The following DESI2 variants were observed in gnomAD, a reference collection of about 807,000 sequenced individuals.
DESI2 encodes the protein deubiquitinase DESI2.
In DESI2, 10 loss-of-function variants were observed where a neutral mutation model predicts 24.1. The ratio of observed to expected loss-of-function variants is 0.41; its 90% CI spans 0.26 to 0.70. DESI2 has a LOEUF of 0.70. DESI2 is among the 30% of genes least tolerant of loss of function. The pLI, the probability that DESI2 is intolerant of heterozygous loss-of-function variation, is 0.29. For missense variants in DESI2, 122 were observed against 234.9 expected (o/e 0.52, Z 3.14); for synonymous variants, 71 against 87.7 (o/e 0.81, Z 1.06).
intron 1 of DESI2, chr1:244,654,044 T>C (rs899694794): frequency 2.1e-6 from 1 of 470,624 alleles, no homozygotes; most frequent in East Asian, 7.0e-5. Flanking sequence ...ACAGGTGACG[T>C]GACCACGGGA....
intron 1 of DESI2, among the ~76,000 whole-genome samples, chr1:244,680,960 T>C (rs1303850521): frequency 6.6e-6 from 1 of 151,948 alleles, no homozygotes; most frequent in Non-Finnish European, 1.5e-5. Flanking sequence ...TTTTTTTTTT[T>C]TTTTTAAGTA....
intron 4 of DESI2, among the ~76,000 whole-genome samples, chr1:244,698,528 A>G (rs1677307106): frequency 6.6e-6 from 1 of 152,246 alleles, no homozygotes. Flanking sequence ...GCCCTTCAGC[A>G]TCTCAGCTTT....
chr1:244,680,036 T>TTTAA lies in DESI2; in HGVS notation c.43-6561_43-6560insTTAA, dbSNP rs1553403558. On this transcript the variant is annotated intron_variant, in intron 1 of 4. Transcript: ENST00000302550. ...CTTTTTAGCCTTTTTTTTTTTTTTTTAAACAAAAAATCTAGGATCCAGTCG... is the reference window on the plus strand; with the variant it reads ...CTTTTTAGCCTTTTTTTTTTTTTTTTTTAAAAACAAAAAATCTAGGATCCAGTCG... Among the ~76,000 whole-genome samples the TTTAA allele has an allele frequency of 1.4e-4, 20 of 142,460 alleles. No individual in the cohort carries two copies. The East Asian group carries it at 3.2e-3, about 23-fold the overall frequency. The allele number at this position is 142,460 out of a possible 152,430, so 93.5% of individuals were successfully genotyped here.
chr1:244,701,792 A>T (rs560672114), intron 4 of DESI2, among the ~76,000 whole-genome samples: 73 of 152,342 alleles, frequency 4.8e-4, no homozygotes, highest in African/African-American at 1.7e-3. Context: ...GTAACAGTAT[A>T]TAGAAATATT....
intron 4 of DESI2, among the ~76,000 whole-genome samples, chr1:244,702,725 A>G (rs1016820250): frequency 6.6e-6 from 1 of 152,178 alleles, no homozygotes; most frequent in African/African-American, 2.4e-5. Flanking sequence ...GTGGCTATAG[A>G]TAGGACTCTG....
intron 1 of DESI2, among the ~76,000 whole-genome samples, chr1:244,684,265 AG>A (rs1227174234): frequency 6.6e-6 from 1 of 152,194 alleles, no homozygotes; most frequent in East Asian, 1.9e-4. Flanking sequence ...TAACTATAAA[AG>A]TAATACTCTT....
chr1:244,699,075 A>G (rs550621015), intron 4 of DESI2, among the ~76,000 whole-genome samples: 140 of 152,270 alleles, frequency 9.2e-4, no homozygotes, highest in African/African-American at 3.3e-3. Flanking sequence ...CTACTCTGCT[A>G]CCTTTCTACT....
chr1:244,690,317 G>GT (rs1458237867), intron 3 of DESI2, among the ~76,000 whole-genome samples: 2 of 152,310 alleles, frequency 1.3e-5, no homozygotes, highest in South Asian at 4.2e-4. Context: ...AGAACATACG[G>GT]TGTTTGGTTT....
At chr1:244,693,956 A>G (rs1393674311) in intron 4 of DESI2, among the ~76,000 whole-genome samples, 1 of 152,270 alleles carries the variant, frequency 6.6e-6, no homozygotes, top group Non-Finnish European at 1.5e-5. Flanking sequence ...CAACTCCCAT[A>G]TAACGAAGAC....
At chr1:244,701,457 A>G (rs1355208299) in intron 4 of DESI2, among the ~76,000 whole-genome samples, 1 of 152,176 alleles carries the variant, frequency 6.6e-6, no homozygotes, top group African/African-American at 2.4e-5. Flanking sequence ...CAGAGAGGGG[A>G]CAAAATTAAA....
At chr1:244,698,295 T>A (rs535615224) in intron 4 of DESI2, among the ~76,000 whole-genome samples, 1 of 152,210 alleles carries the variant, frequency 6.6e-6, no homozygotes, top group Non-Finnish European at 1.5e-5. Context: ...TCACAGCCGA[T>A]GATATTTACT....
chr1:244,655,235 G>A (rs1258890152), intron 1 of DESI2, among the ~76,000 whole-genome samples: 1 of 151,654 alleles, frequency 6.6e-6, no homozygotes, highest in Admixed American at 6.6e-5. Context: ...CAGCAGACAG[G>A]GGAGAGAGTA....
At chr1:244,702,979 T>G (rs1023745248) in intron 4 of DESI2, among the ~76,000 whole-genome samples, 1 of 150,596 alleles carries the variant, frequency 6.6e-6, no homozygotes, top group African/African-American at 2.4e-5. Context: ...TAAAGTACAA[T>G]GTAATATTTG....
rs944535728 is a variant in DESI2, at chr1:244,689,670, C to A, written c.209+328C>A. 3.9e-5 allele frequency among the ~76,000 whole-genome samples: 6 copies of A among 152,078 alleles called. No individual in the cohort carries two copies. The highest frequency in any genetic ancestry group is 7.4e-5 in the Non-Finnish European group (5 of 68,010). On this transcript the variant is annotated intron_variant, in intron 3 of 4. Coordinates refer to ENST00000302550, the MANE Select transcript of DESI2 (RefSeq NM_016076.5). This position sits in a 1 kb window ranked among gnomAD's most constrained non-coding sequence, Gnocchi z 4.0. ...GATTACAGGCGTGCACCACGACGTC[C>A]GGCTAATTTTTGTATTTTTAGTAGA... is the stretch of plus-strand genomic sequence containing the variant.
At chr1:244,659,160 A>G (rs10927290) in intron 1 of DESI2, among the ~76,000 whole-genome samples, 110,200 of 146,686 alleles carry the variant, frequency 0.75, 42,002 homozygotes, top group South Asian at 0.86. Context: ...CTCCTACATT[A>G]TTTATGGCAT....
At chr1:244,675,193 A>G (rs1422086743) in intron 1 of DESI2, among the ~76,000 whole-genome samples, 1 of 152,148 alleles carries the variant, frequency 6.6e-6, no homozygotes, top group East Asian at 1.9e-4. Context: ...TATTCTACAT[A>G]TAAGTCCCTT....
At chr1:244,700,157 G>GT (rs1454306911) in intron 4 of DESI2, among the ~76,000 whole-genome samples, 1 of 152,152 alleles carries the variant, frequency 6.6e-6, no homozygotes, top group Non-Finnish European at 1.5e-5. Flanking sequence ...TTTCGCTGTG[G>GT]TAAGTCCTAC....
chr1:244,691,920 A>G lies in DESI2; in HGVS notation c.251A>G (p.Asp84Gly). The change falls in exon 4 of 5, where the codon GAT becomes GGT. Residue 84 changes from aspartate (D) to glycine (G), a missense_variant. Coordinates refer to ENST00000302550, the MANE Select transcript of DESI2 (RefSeq NM_016076.5). ...GGGAGCACGGACTTCCTAGAAGATG[A>G]TATAGAAAAAATTGTAGAAGAACTG... ...VLGSTDFLED[D>G]IEKIVEELGK... 3.1e-6 allele frequency: 5 copies of G among 1,600,694 alleles called. No individual in the cohort carries two copies. Among genetic ancestry groups the G allele is most frequent in the Non-Finnish European group, 4.2e-6 (5 of 1,177,138 alleles).
In DESI2 at chr1:244,671,315, T is replaced by C. The variant is rs893971493; in HGVS notation, c.43-15282T>C. On this transcript the variant is annotated intron_variant, in intron 1 of 4. Transcript: ENST00000302550. ...TGAATATATAGCCACCTTAAGTAGA[T>C]GTGGTTCGAATGTTCTGTGCCATAT... is the stretch of plus-strand genomic sequence containing the variant. 2.6e-5 allele frequency among the ~76,000 whole-genome samples: 4 copies of C among 152,224 alleles called. 1 individual carries two copies. Among genetic ancestry groups the C allele is most frequent in the African/African-American group, 9.6e-5 (4 of 41,460 alleles).
Sources: allele counts gnomAD v4.1 joint callset (sites outside exome capture counted in the v4.1 genomes callset), GRCh38; gene constraint gnomAD v4.1.1; non-coding constraint Gnocchi (gnomAD v3.1); transcripts MANE v1.5; gene names NCBI Gene and HGNC (gene_info 2026-07-23, HGNC 2026-07-21).